Variants in PLEKHN1 observed in about 807,000 individuals in gnomAD.
PLEKHN1 encodes pleckstrin homology domain containing N1, also known as pleckstrin homology domain-containing family N member 1.
PLEKHN1 carries 68 observed loss-of-function variants against 72.8 expected under a neutral mutation model. The ratio of observed to expected loss-of-function variants is 0.93; its 90% CI spans 0.77 to 1.14. The LOEUF is 1.14. Among genes scored for constraint, PLEKHN1 ranks in the 50% most tolerant of loss-of-function variants. PLEKHN1 has a pLI of 0.00. For missense variants in PLEKHN1, 1,015 were observed against 840.5 expected, an observed-to-expected ratio of 1.21 and a Z score of -2.57; for synonymous variants, 454 against 371.6, an observed-to-expected ratio of 1.22 and a Z score of -2.55.
rs1643525348 is a variant in PLEKHN1, at chr1:974,681, G to T, written c.*106G>T. ...AGTCAGGGTCTGAACCCAGTGTGATGGGGGGAGTCTCTGGGGCCCTGAGTT... is the reference window on the plus strand; with the variant it reads ...AGTCAGGGTCTGAACCCAGTGTGATTGGGGGAGTCTCTGGGGCCCTGAGTT... On this transcript the variant is annotated 3_prime_UTR_variant, in exon 16 of 16. Transcript: ENST00000379410. The T allele has an allele frequency of 2.2e-6, 3 of 1,390,420 alleles. No individual in the cohort carries two copies. The East Asian group carries it at 7.5e-5, about 35-fold the overall frequency. 86.1% of individuals were successfully genotyped at this position (1,390,420 alleles called of 1,614,324 possible).
chr1:967,787 G>A (rs1350636123), intron 2 of PLEKHN1, among the ~76,000 whole-genome samples: 1 of 152,178 alleles, frequency 6.6e-6, no homozygotes, highest in Non-Finnish European at 1.5e-5. Context: ...TAGGGGTGGG[G>A]TCCCTGTGGC....
In PLEKHN1 at chr1:970,157, A is replaced by C; in HGVS notation, c.184-120A>C. ...GTGCCTGTGGGGGGCTGTTCTTCAC[A>C]TATGTGTTGTGTGGCTATGCACAGG... On this transcript the variant is annotated intron_variant, in intron 2 of 15. Coordinates refer to ENST00000379410, the MANE Select transcript of PLEKHN1 (RefSeq NM_032129.3). The surrounding 1 kb of genome is among the most constrained non-coding windows in gnomAD (Gnocchi z 4.2). 9.3e-7 allele frequency: 1 copy of C among 1,076,506 alleles called. No individual in the cohort carries two copies. The highest frequency in any genetic ancestry group is 1.5e-5 in the South Asian group (1 of 64,856). The allele number at this position is 1,076,506 out of a possible 1,614,324, so 66.7% of individuals were successfully genotyped here. A position where few individuals can be genotyped will look rare whatever the true frequency, so the allele number is the denominator to read the frequency against.
At chr1:969,321 C>CTGTGTGTGCG (rs1000735520) in intron 2 of PLEKHN1, among the ~76,000 whole-genome samples, 1 of 152,204 alleles carries the variant, frequency 6.6e-6, no homozygotes, top group East Asian at 1.9e-4. Context: ...GGAAGTGTGT[C>CTGTGTGTGCG]TGTGTGTGCG....
At position 973,925 on chromosome 1, in the gene PLEKHN1, C is replaced by A. The variant is rs1356135464; in HGVS notation, c.1527C>A (p.Ser509=). 5 of 1,611,340 alleles carry A rather than the reference C, an allele frequency of 3.1e-6. No homozygotes were observed. Among genetic ancestry groups the A allele is most frequent in the Admixed American group, 3.3e-5 (2 of 59,994 alleles). ...PVSVPASDPR[S]CSSGPAGPYL... ...CTGTGCCTGCCTCTGACCCTCGCTC[C>A]TGCTCCTCCGGCCCCGCTGGCCCCT... The change falls in exon 14 of 16, where the codon TCC becomes TCA. Residue 509 remains serine, a synonymous_variant. Coordinates refer to ENST00000379410, the MANE Select transcript of PLEKHN1 (RefSeq NM_032129.3).
Position 973,370 on chromosome 1 carries a change from G to A in PLEKHN1, c.1293+44G>A, listed in dbSNP as rs373382356. On this transcript the variant is annotated intron_variant, in intron 12 of 15. Coordinates refer to ENST00000379410, the MANE Select transcript of PLEKHN1 (RefSeq NM_032129.3). ...CACAGCCCCTGGCCTGGTTCCCACC[G>A]TTCCGCACCACTGGTCTCTGTCTCT... is the stretch of plus-strand genomic sequence containing the variant. 407 of 1,556,706 alleles carry A rather than the reference G, an allele frequency of 2.6e-4. 2 individuals carry two copies. Among genetic ancestry groups the A allele is most frequent in the Middle Eastern group, 5.2e-4 (3 of 5,754 alleles).
In PLEKHN1 at chr1:971,412, C is replaced by T; in HGVS notation, c.789+8C>T. On this transcript the variant is annotated splice_region_variant and intron_variant, in intron 8 of 15. Transcript: ENST00000379410. Reference sequence around the variant, plus strand: ...GACGGGCTTTGCTTCAAGGTGGGCCCCTCCCCACTGTGGGCCCGCCCCAGG... The same window carrying T: ...GACGGGCTTTGCTTCAAGGTGGGCCTCTCCCCACTGTGGGCCCGCCCCAGG... 2 of 1,569,666 alleles carry T rather than the reference C, an allele frequency of 1.3e-6. No individual in the cohort carries two copies. Among genetic ancestry groups the T allele is most frequent in the Non-Finnish European group, 1.7e-6 (2 of 1,158,782 alleles).
Position 972,561 on chromosome 1 carries a change from T to C in PLEKHN1, c.1002+137T>C, listed in dbSNP as rs1643395368. The C allele has an allele frequency of 1.6e-5, 19 of 1,172,882 alleles. 1 individual carries two copies. In the South Asian group the frequency reaches 3.1e-4, roughly 19 times the overall value. The allele number at this position is 1,172,882 out of a possible 1,614,324, so 72.7% of individuals were successfully genotyped here. A position where few individuals can be genotyped will look rare whatever the true frequency, so the allele number is the denominator to read the frequency against. On this transcript the variant is annotated intron_variant, in intron 10 of 15. Coordinates refer to ENST00000379410, the MANE Select transcript of PLEKHN1 (RefSeq NM_032129.3). ...CGGGCGGATCATTTGAGGTCAGGGG[T>C]TCGAGATCAGCCTGACCGACGTGGA...
At chr1:969,476 A>G (rs1011490114) in intron 2 of PLEKHN1, among the ~76,000 whole-genome samples, 3 of 151,310 alleles carry the variant, frequency 2.0e-5, no homozygotes, top group African/African-American at 4.9e-5. Flanking sequence ...TGCAGTGTGC[A>G]TGTGTGCATG....
intron 2 of PLEKHN1, among the ~76,000 whole-genome samples, chr1:969,706 G>A (rs548944327): frequency 4.6e-5 from 7 of 152,180 alleles, no homozygotes; most frequent in Middle Eastern, 3.4e-3. Flanking sequence ...GTGCGTATGT[G>A]TGTTCCCGTG....
chr1:973,743 A>G, intron 13 of PLEKHN1, 90 bp from the exon 14 acceptor site: 1 of 1,564,888 alleles, frequency 6.4e-7, no homozygotes. Context: ...GGCTGCCCCA[A>G]GCCTGAGGTC....
rs1192404078 is a variant in PLEKHN1, at chr1:974,460, G to A, written c.1721G>A (p.Arg574Lys). 3.7e-6 allele frequency: 6 copies of A among 1,612,886 alleles called. No homozygotes were observed. Among genetic ancestry groups the A allele is most frequent in the Non-Finnish European group, 4.2e-6 (5 of 1,179,972 alleles). ...LPLTDGRSPR[R>K]SRDPGYDHLW... ...CTACCAGATGGTCGGTCCCCCAGGA[G>A]GAGCCGGGACCCCGGCTACGACCAC... The change falls in exon 16 of 16, where the codon AGG becomes AAG. Residue 574 changes from arginine (R) to lysine (K), a missense_variant. Physicochemically the swap from Arg to Lys is conservative, Grantham distance 26. Transcript: ENST00000379410.
chr1:967,094 TC>T (rs1453483387), intron 2 of PLEKHN1, among the ~76,000 whole-genome samples: 1 of 152,178 alleles, frequency 6.6e-6, no homozygotes, highest in African/African-American at 2.4e-5. Flanking sequence ...CGCACGTGTC[TC>T]TGTCGCTGCA....
At chr1:972,553 G>T (rs567308752) in intron 10 of PLEKHN1, 129 bp downstream of exon 10, 1 of 1,230,632 alleles carries the variant, frequency 8.1e-7, no homozygotes, top group Non-Finnish European at 1.1e-6. Context: ...ATCATTTGAG[G>T]TCAGGGGTTC....
In PLEKHN1 at chr1:970,696, C is replaced by A; in HGVS notation, c.422C>A (p.Pro141Gln). ...CCCTGTGCCTGGCAGGGGCTGTTACCGCTGACGGAGCTGAGTGTCTGCCCG... is the reference window on the plus strand; with the variant it reads ...CCCTGTGCCTGGCAGGGGCTGTTACAGCTGACGGAGCTGAGTGTCTGCCCG... ...SEGLTFQGLL[P>Q]LTELSVCPLE... Residue 141 changes from proline to glutamine, a missense_variant, in exon 5 of 16, where the codon CCG becomes CAG. By Grantham distance (76) the Pro-to-Gln change is moderately conservative. Transcript: ENST00000379410. This position sits in a 1 kb window ranked among gnomAD's most constrained non-coding sequence, Gnocchi z 4.2. The A allele has an allele frequency of 6.3e-7, 1 of 1,596,032 alleles. No individual in the cohort carries two copies.
At position 971,163 on chromosome 1, in the gene PLEKHN1, T is replaced by G; in HGVS notation, c.663T>G (p.Ser221Arg). 1 of 1,598,444 alleles carries G rather than the reference T, an allele frequency of 6.3e-7. No homozygotes were observed. The highest frequency in any genetic ancestry group is 2.3e-5 in the East Asian group (1 of 44,166). ...RTASGHEPGG[S>R]AVCASRVKLQ... ...CGTCAGGGCACGAACCCGGCGGCAG[T>G]GCTGTCTGTGCCTCGAGGGTCAAGC... The change falls in exon 7 of 16, where the codon AGT becomes AGG. Residue 221 changes from serine to arginine, a missense_variant. Ser to Arg is a moderately radical substitution (Grantham distance 110, BLOSUM62 -1). Transcript: ENST00000379410.
In PLEKHN1 at chr1:966,630, G is replaced by A. The variant is rs1299782736; in HGVS notation, c.83+16G>A. On this transcript the variant is annotated intron_variant, in intron 1 of 15. Transcript: ENST00000379410. Reference sequence around the variant, plus strand: ...AGGGAAACAGGTGAGCGGGGCGTGGGTGCGGCCACCTGGGCGCAGGGCTCC... The same window carrying A: ...AGGGAAACAGGTGAGCGGGGCGTGGATGCGGCCACCTGGGCGCAGGGCTCC... 1 of 1,603,874 alleles carries A rather than the reference G, an allele frequency of 6.2e-7. No homozygotes were observed. Among genetic ancestry groups the A allele is most frequent in the Non-Finnish European group, 8.5e-7 (1 of 1,174,632 alleles).
chr1:972,202 C>A (rs762502829), intron 9 of PLEKHN1, 52 bp downstream of exon 9: 3 of 1,604,032 alleles, frequency 1.9e-6, no homozygotes, highest in African/African-American at 1.3e-5. Flanking sequence ...CATGGTGGGG[C>A]GGGAGCCTGG....
intron 2 of PLEKHN1, among the ~76,000 whole-genome samples, chr1:967,715 T>G (rs895130117): frequency 6.6e-6 from 1 of 152,160 alleles, no homozygotes; most frequent in Non-Finnish European, 1.5e-5. Flanking sequence ...TGCAGACAAG[T>G]ACTGGTTTCG....
rs370574732 is a variant in PLEKHN1, at chr1:971,334, A to T, written c.719A>T (p.Asp240Val). The T allele has an allele frequency of 2.4e-6, 3 of 1,224,694 alleles. No individual in the cohort carries two copies. Among genetic ancestry groups the T allele is most frequent in the Non-Finnish European group, 3.5e-6 (3 of 851,356 alleles). 75.9% of individuals were successfully genotyped at this position (1,224,694 alleles called of 1,614,324 possible). A position where few individuals can be genotyped will look rare whatever the true frequency, so the allele number is the denominator to read the frequency against. The change falls in exon 8 of 16, where the codon GAC becomes GTC. Residue 240 changes from aspartate (D) to valine (V), a missense_variant. By Grantham distance (152) the Asp-to-Val change is radical. Transcript: ENST00000379410. ...LQHLPAQEQW[D>V]RLLVLYPTSL... is the part of the protein sequence containing the mutation. Reference sequence around the variant, plus strand: ...CCCCCACCCACCCAGGAGCAGTGGGACCGGCTCTTGGTCCTGTACCCAACG... The same window carrying T: ...CCCCCACCCACCCAGGAGCAGTGGGTCCGGCTCTTGGTCCTGTACCCAACG...
Sources: allele counts gnomAD v4.1 joint callset (sites outside exome capture counted in the v4.1 genomes callset), GRCh38; gene constraint gnomAD v4.1.1; non-coding constraint Gnocchi (gnomAD v3.1); transcripts MANE v1.5; gene names NCBI Gene and HGNC (gene_info 2026-07-23, HGNC 2026-07-21).